The following JAK1 variants were observed in gnomAD, a reference collection of about 807,000 sequenced individuals.
JAK1 encodes Janus kinase 1.
In JAK1, 16 loss-of-function variants were observed where a neutral mutation model predicts 136.6. The ratio of observed to expected loss-of-function variants is 0.12; its 90% CI spans 0.08 to 0.18. JAK1 has a LOEUF of 0.18. Ranked by LOEUF, JAK1 falls within the 10% of genes least tolerant of loss-of-function variation. JAK1 has a pLI of 1.00. For missense variants in JAK1, 859 were observed against 1,450.1 expected, an observed-to-expected ratio of 0.59 and a Z score of 6.62; for synonymous variants, 492 against 519.5, an observed-to-expected ratio of 0.95 and a Z score of 0.72.
intron 1 of JAK1, among the ~76,000 whole-genome samples, chr1:64,931,544 G>A (rs1258984883): frequency 6.6e-6 from 1 of 151,918 alleles, no homozygotes; most frequent in Non-Finnish European, 1.5e-5. Context: ...GGTGGCACAA[G>A]GCTGAGTGGT....
At chr1:64,845,701 C>A in intron 14 of JAK1, 61 bp from the exon 15 acceptor site, 1 of 1,602,730 alleles carries the variant, frequency 6.2e-7, no homozygotes, top group Non-Finnish European at 8.5e-7. Flanking sequence ...TCTCCTTCAT[C>A]CCCTTACGAC....
At chr1:64,892,806 C>T (rs1644959492) in intron 1 of JAK1, among the ~76,000 whole-genome samples, 1 of 152,204 alleles carries the variant, frequency 6.6e-6, no homozygotes, top group South Asian at 2.1e-4. Flanking sequence ...ACACATTTCT[C>T]AGCTGTAGCC....
In JAK1 at chr1:64,883,417, G is replaced by A. The variant is rs1644805790; in HGVS notation, c.65C>T (p.Ser22Phe). The A allele has an allele frequency of 2.5e-6, 4 of 1,613,980 alleles. No individual in the cohort carries two copies. The highest frequency in any genetic ancestry group is 1.3e-5 in the African/African-American group (1 of 74,898). The change falls in exon 3 of 25, where the codon TCC becomes TTC. Residue 22 changes from serine (S) to phenylalanine (F), a missense_variant. By Grantham distance (155) the Ser-to-Phe change is radical. Coordinates refer to ENST00000342505, the MANE Select transcript of JAK1 (RefSeq NM_002227.4). Reference sequence around the variant, plus strand: ...CTCCAGGTTCACCTCAGTCTTCTTGGAGCTCCTCATTTTAGCACAGAAAGC... The same window carrying A: ...CTCCAGGTTCACCTCAGTCTTCTTGAAGCTCCTCATTTTAGCACAGAAAGC... ...AMAFCAKMRSSKKTEVNLEAP... is the reference protein window; with the variant it reads ...AMAFCAKMRSFKKTEVNLEAP...
At chr1:64,985,592 C>A in intron 2 of JAK1, 1 of 984,548 alleles carries the variant, frequency 1.0e-6, no homozygotes, top group South Asian at 1.5e-5. Flanking sequence ...AGATCTGGGC[C>A]ACCAGAATTC....
chr1:64,881,871 G>A (rs1644777912), intron 3 of JAK1, among the ~76,000 whole-genome samples: 1 of 152,040 alleles, frequency 6.6e-6, no homozygotes, highest in Admixed American at 6.5e-5. Flanking sequence ...CTGTGCTGAT[G>A]GCAAGAAGCT....
intron 1 of JAK1, among the ~76,000 whole-genome samples, chr1:64,958,788 C>T (rs762707999): frequency 5.3e-5 from 8 of 152,144 alleles, no homozygotes; most frequent in Non-Finnish European, 1.0e-4. Context: ...GCAAGCAAGC[C>T]TCCAGATAAA....
At chr1:64,955,746 G>C (rs959553577) in intron 1 of JAK1, among the ~76,000 whole-genome samples, 1 of 152,212 alleles carries the variant, frequency 6.6e-6, no homozygotes, top group African/African-American at 2.4e-5. Flanking sequence ...CGCAATGATA[G>C]ATCACCCAGG....
At chr1:64,906,371 C>A (rs1309883801) in intron 1 of JAK1, among the ~76,000 whole-genome samples, 1 of 151,948 alleles carries the variant, frequency 6.6e-6, no homozygotes, top group Non-Finnish European at 1.5e-5. Flanking sequence ...TCCAAACCAT[C>A]ATCTATATAA....
intron 12 of JAK1, 109 bp from the exon 13 acceptor site, chr1:64,847,784 G>A: frequency 8.1e-7 from 1 of 1,234,738 alleles, no homozygotes; most frequent in Non-Finnish European, 1.1e-6. Context: ...ATGGGGCAAA[G>A]GCAAGAGGGC....
At chr1:64,982,020 G>A (rs1292803595) in intron 2 of JAK1, among the ~76,000 whole-genome samples, 3 of 152,034 alleles carry the variant, frequency 2.0e-5, no homozygotes, top group Non-Finnish European at 4.4e-5. Flanking sequence ...ACCTTTCCGA[G>A]CTTCCAGTTA....
rs534098308 is a variant in JAK1 at position 64,984,139 on chromosome 1, A to G, written c.-78+60341T>C. ...ATAATATTTATGTAATTAAACCAGGAGGTAAAAATAAATAAAACTCAAGTT... is the reference window on the plus strand; with the variant it reads ...ATAATATTTATGTAATTAAACCAGGGGGTAAAAATAAATAAAACTCAAGTT... On this transcript the variant is annotated intron_variant, in intron 2 of 25. Transcript: ENST00000671954. The surrounding 1 kb of genome is among the most constrained non-coding windows in gnomAD (Gnocchi z 4.1). 6.6e-6 allele frequency among the ~76,000 whole-genome samples: 1 copy of G among 152,236 alleles called. No homozygotes were observed. Among genetic ancestry groups the G allele is most frequent in the Admixed American group, 6.5e-5 (1 of 15,288 alleles).
intron 2 of JAK1, among the ~76,000 whole-genome samples, chr1:65,024,235 G>C (rs1646959500): frequency 1.3e-5 from 2 of 151,942 alleles, no homozygotes; most frequent in African/African-American, 4.8e-5. Context: ...AAGGTACAAG[G>C]GTTCTAATTT....
chr1:64,941,296 A>C (rs1316142027), intron 1 of JAK1, among the ~76,000 whole-genome samples: 2 of 152,242 alleles, frequency 1.3e-5, no homozygotes. Flanking sequence ...AATTTATTGT[A>C]ACTTGCATCC....
At chr1:65,028,187 C>A (rs1000919536) in intron 2 of JAK1, among the ~76,000 whole-genome samples, 5 of 152,214 alleles carry the variant, frequency 3.3e-5, no homozygotes, top group Admixed American at 3.3e-4. Context: ...TCCTTGAGGT[C>A]TCTGCTCATG....
intron 4 of JAK1, among the ~76,000 whole-genome samples, chr1:64,874,597 A>G (rs1451167774): frequency 6.6e-6 from 1 of 152,032 alleles, no homozygotes; most frequent in African/African-American, 2.4e-5. Flanking sequence ...GAAAAACACA[A>G]TTTCTGGAAT....
intron 12 of JAK1, 88 bp downstream of exon 12, chr1:64,850,716 C>T: frequency 1.2e-6 from 1 of 855,996 alleles, no homozygotes. Flanking sequence ...TTTCCCCAAA[C>T]ACAGCCTTCC....
chr1:64,871,618 A>G (rs2101146391), intron 5 of JAK1, among the ~76,000 whole-genome samples: 1 of 152,250 alleles, frequency 6.6e-6, no homozygotes, highest in East Asian at 1.9e-4. Flanking sequence ...TCCATTATCC[A>G]TCCGACATCA....
chr1:65,056,727 C>A (rs769644215), intron 1 of JAK1, among the ~76,000 whole-genome samples: 1 of 151,966 alleles, frequency 6.6e-6, no homozygotes, highest in Non-Finnish European at 1.5e-5. Flanking sequence ...GAGTTTGAAA[C>A]CAGTTTGGGC....
chr1:65,010,397 A>T (rs1646839182), intron 2 of JAK1, among the ~76,000 whole-genome samples: 1 of 152,176 alleles, frequency 6.6e-6, no homozygotes, highest in Non-Finnish European at 1.5e-5. Flanking sequence ...CATCATGCAG[A>T]GAGGCCTATG....
Sources: allele counts gnomAD v4.1 joint callset (sites outside exome capture counted in the v4.1 genomes callset), GRCh38; gene constraint gnomAD v4.1.1; non-coding constraint Gnocchi (gnomAD v3.1); transcripts MANE v1.5; gene names NCBI Gene and HGNC (gene_info 2026-07-23, HGNC 2026-07-21).